The following NXPE2 variants were observed in gnomAD, a reference collection of about 807,000 sequenced individuals.
The protein encoded by NXPE2 is NXPE family member 2.
NXPE2 carries 34 observed loss-of-function variants against 34.4 expected under a neutral mutation model. The observed-to-expected ratio is 0.99, with a 90% CI of 0.75 to 1.31. The LOEUF is 1.31. Ranked by LOEUF, NXPE2 falls within the 40% of genes most tolerant of loss-of-function variation. The pLI is 0.00. For synonymous variants in NXPE2, 235 were observed against 231.3 expected, an observed-to-expected ratio of 1.02 and a Z score of -0.15; for missense variants, 649 against 672.5, an observed-to-expected ratio of 0.97 and a Z score of 0.39.
the NXPE2 span, among the ~76,000 whole-genome samples, chr11:114,559,110 A>G: frequency 6.6e-6 from 1 of 152,242 alleles, no homozygotes; most frequent in Admixed American, 6.5e-5. Flanking sequence ...TGTAAATTAA[A>G]AATATACATA....
At chr11:114,803,577 T>TCC in the NXPE2 span, among the ~76,000 whole-genome samples, 1 of 134,586 alleles carries the variant, frequency 7.4e-6, no homozygotes, top group Non-Finnish European at 1.6e-5. Context: ...CAGGTCTCTC[T>TCC]CTCTCTCTTT....
chr11:114,727,774 A>AACACACACAAACACAC, the NXPE2 span, among the ~76,000 whole-genome samples: 1,948 of 127,564 alleles, frequency 0.015, 22 homozygotes, highest in Non-Finnish European at 0.018. Context: ...ATGTGTACAC[A>AACACACACAAACACAC]ACACACACAC....
the NXPE2 span, among the ~76,000 whole-genome samples, chr11:114,637,474 A>G: frequency 2.6e-5 from 4 of 151,536 alleles, no homozygotes; most frequent in Non-Finnish European, 5.9e-5. Flanking sequence ...TTTAAAGTTA[A>G]TATTGTTATG....
Position 114,698,631 on chromosome 11 carries a change from A to G in NXPE2, c.719A>G (p.Glu240Gly). Residue 240 changes from glutamate to glycine, a missense_variant, in exon 3 of 6, where the codon GAA becomes GGA. By Grantham distance (98) the Glu-to-Gly change is moderately conservative. Coordinates refer to ENST00000389586, the MANE Select transcript of NXPE2 (RefSeq NM_182495.6). ...GGCCTGACCCTAAACACAAATGCTG[A>G]ACTGTGCCAGTACATGGATGACAGA... ...ECGLTLNTNA[E>G]LCQYMDDRDQ... 1 of 1,614,180 alleles carries G rather than the reference A, an allele frequency of 6.2e-7. No homozygotes were observed. Among genetic ancestry groups the G allele is most frequent in the Non-Finnish European group, 8.5e-7 (1 of 1,180,018 alleles).
At chr11:114,649,434 A>G in the NXPE2 span, among the ~76,000 whole-genome samples, 2 of 152,236 alleles carry the variant, frequency 1.3e-5, no homozygotes, top group East Asian at 3.9e-4. Context: ...ACATGTTAGC[A>G]TATGGAAGGA....
the NXPE2 span, chr11:114,522,610 C>G: frequency 1.1e-6 from 1 of 946,854 alleles, no homozygotes; most frequent in Non-Finnish European, 1.5e-6. Context: ...TAATTGCTCA[C>G]TGGAGCCTTT....
the NXPE2 span, among the ~76,000 whole-genome samples, chr11:114,641,950 G>A: frequency 6.6e-6 from 1 of 151,860 alleles, no homozygotes; most frequent in Non-Finnish European, 1.5e-5. Flanking sequence ...TTGACACAGA[G>A]GACATATTTT....
At chr11:114,664,591 G>A in the NXPE2 span, among the ~76,000 whole-genome samples, 1 of 152,138 alleles carries the variant, frequency 6.6e-6, no homozygotes, top group Non-Finnish European at 1.5e-5. Flanking sequence ...CTCCTTGAAA[G>A]TACAGATTCC....
the NXPE2 span, among the ~76,000 whole-genome samples, chr11:114,580,504 T>C: frequency 6.6e-6 from 1 of 152,202 alleles, no homozygotes; most frequent in African/African-American, 2.4e-5. Flanking sequence ...GTTTTTTTAA[T>C]AAAAATTTTT....
the NXPE2 span, among the ~76,000 whole-genome samples, chr11:114,556,818 T>A: frequency 6.6e-6 from 1 of 152,110 alleles, no homozygotes; most frequent in Non-Finnish European, 1.5e-5. Context: ...CGTTGATATA[T>A]CTATGTAATT....
chr11:114,679,646 C>T lies in NXPE2; in HGVS notation c.27-11C>T. The stretch of plus-strand genomic sequence containing the variant: ...ATTTAATGTGATTATTTCTCCTGTC[C>T]TTTCTTATAGGATACTCACTTTGTT... On this transcript the variant is annotated splice_polypyrimidine_tract_variant and intron_variant, in intron 1 of 5. Transcript: ENST00000389586. 6.7e-7 allele frequency: 1 copy of T among 1,498,110 alleles called. No homozygotes were observed. Among genetic ancestry groups the T allele is most frequent in the Non-Finnish European group, 9.1e-7 (1 of 1,099,872 alleles). The allele number at this position is 1,498,110 out of a possible 1,614,324, so 92.8% of individuals were successfully genotyped here. A position where few individuals can be genotyped will look rare whatever the true frequency, so the allele number is the denominator to read the frequency against.
the NXPE2 span, among the ~76,000 whole-genome samples, chr11:114,800,804 A>T: frequency 3.3e-5 from 5 of 152,186 alleles, no homozygotes; most frequent in Non-Finnish European, 7.4e-5. Flanking sequence ...ACCTCACAGG[A>T]TTTCTGTGGG....
chr11:114,564,332 G>A, the NXPE2 span, among the ~76,000 whole-genome samples: 1 of 152,136 alleles, frequency 6.6e-6, no homozygotes, highest in African/African-American at 2.4e-5. Flanking sequence ...CGAGGTGAGG[G>A]ATAAAAGACT....
chr11:114,805,965 C>T, the NXPE2 span, among the ~76,000 whole-genome samples: 23 of 152,316 alleles, frequency 1.5e-4, no homozygotes, highest in African/African-American at 5.3e-4. Context: ...AGACTGACAC[C>T]TCACACTGCC....
chr11:114,631,856 T>C, the NXPE2 span, among the ~76,000 whole-genome samples: 5 of 151,250 alleles, frequency 3.3e-5, no homozygotes, highest in Non-Finnish European at 5.9e-5. Context: ...TAATAAGTAT[T>C]GTGTCGTGGG....
At chr11:114,627,253 T>TA in the NXPE2 span, among the ~76,000 whole-genome samples, 1 of 151,840 alleles carries the variant, frequency 6.6e-6, no homozygotes, top group Admixed American at 6.6e-5. Flanking sequence ...GAAAAAATGT[T>TA]AAAGGCAGCC....
the NXPE2 span, among the ~76,000 whole-genome samples, chr11:114,551,712 T>G: frequency 6.6e-6 from 1 of 151,960 alleles, no homozygotes. Context: ...AAGTCTGAAA[T>G]TTGGAAATGG....
At chr11:114,599,602 A>G in the NXPE2 span, among the ~76,000 whole-genome samples, 2 of 152,180 alleles carry the variant, frequency 1.3e-5, no homozygotes, top group Non-Finnish European at 2.9e-5. Context: ...TACAGGGAGC[A>G]TGGTAGCTTC....
At chr11:114,640,268 A>T in the NXPE2 span, among the ~76,000 whole-genome samples, 1 of 143,188 alleles carries the variant, frequency 7.0e-6, no homozygotes. Flanking sequence ...TATAGTATAT[A>T]ATATATAATA....
Sources: allele counts gnomAD v4.1 joint callset (sites outside exome capture counted in the v4.1 genomes callset), GRCh38; gene constraint gnomAD v4.1.1; transcripts MANE v1.5; gene names NCBI Gene and HGNC (gene_info 2026-07-23, HGNC 2026-07-21).